Variants in PINLYP observed in about 807,000 individuals in gnomAD.
The protein encoded by PINLYP is phospholipase A2 inhibitor and LY6/PLAUR domain containing.
PINLYP carries 12 observed loss-of-function variants against 15.8 expected under a neutral mutation model. The observed-to-expected ratio is 0.76, with a 90% CI of 0.49 to 1.23. PINLYP has a LOEUF of 1.23. Among genes scored for constraint, PINLYP ranks in the 50% most tolerant of loss-of-function variants. The probability of loss-of-function intolerance (pLI) is 0.00; values close to 1 mark genes in which losing one functional copy is unlikely to be tolerated. For synonymous variants in PINLYP, 93 were observed against 97.7 expected, an observed-to-expected ratio of 0.95 and a Z score of 0.28; for missense variants, 278 against 264.2, an observed-to-expected ratio of 1.05 and a Z score of -0.36.
chr19:43,576,404 G>A (rs1396283119), exon 1 of PINLYP, among the ~76,000 whole-genome samples: 1 of 151,976 alleles, frequency 6.6e-6, no homozygotes, highest in Non-Finnish European at 1.5e-5. Context: ...ATCTCTTTCA[G>A]CCTTATGCCT....
chr19:43,580,065 T>G (rs1381724193), intron 3 of PINLYP, among the ~76,000 whole-genome samples: 1 of 152,102 alleles, frequency 6.6e-6, no homozygotes, highest in African/African-American at 2.4e-5. Context: ...GGAGAGATGA[T>G]GAGGCCTGGT....
At chr19:43,580,433 C>A in intron 3 of PINLYP, 1 of 717,098 alleles carries the variant, frequency 1.4e-6, no homozygotes, top group Non-Finnish European at 1.7e-6. Context: ...TGAGGAGTGA[C>A]CATGGCAGGA....
At chr19:43,581,497 T>C (rs1334172359) in intron 4 of PINLYP, 66 bp from the exon 5 acceptor site, 1 of 1,507,958 alleles carries the variant, frequency 6.6e-7, no homozygotes, top group African/African-American at 1.4e-5. Flanking sequence ...TTTCCCGGGG[T>C]TGTTGGGAGG....
chr19:43,577,022 C>G, intron 1 of PINLYP, 93 bp from the exon 2 acceptor site: 1 of 1,290,522 alleles, frequency 7.7e-7, no homozygotes, highest in Non-Finnish European at 1.0e-6. Flanking sequence ...GCACAAGATG[C>G]CCAGGTCACT....
chr19:43,577,376 C>T (rs1311615255), intron 2 of PINLYP, 115 bp downstream of exon 2: 16 of 1,099,086 alleles, frequency 1.5e-5, no homozygotes, highest in Middle Eastern at 2.2e-4. Context: ...TCAAGGTGAA[C>T]GGGGAGGCAT....
upstream of PINLYP, chr19:43,575,611 CCGGCGT>C: frequency 4.6e-6 from 3 of 653,746 alleles, no homozygotes; most frequent in South Asian, 6.9e-5. Flanking sequence ...CGCGCCGGCG[CCGGCGT>C]CGACACTGCG....
chr19:43,580,784 A>G (rs913128750), intron 3 of PINLYP: 4 of 784,012 alleles, frequency 5.1e-6, no homozygotes, highest in Non-Finnish European at 4.7e-6. Context: ...ATTTGGCCGC[A>G]TGGCTCTAGG....
upstream of PINLYP, chr19:43,575,593 A>C: frequency 1.1e-6 from 1 of 896,962 alleles, no homozygotes; most frequent in Non-Finnish European, 1.6e-6. Flanking sequence ...GGGCCTTTCA[A>C]ACCCCGGCGC....
exon 1 of PINLYP, chr19:43,575,817 C>A (rs534881744): frequency 2.6e-5 from 6 of 229,168 alleles, no homozygotes; most frequent in Admixed American, 5.7e-5. Flanking sequence ...GGAAGAAATT[C>A]GCCTTTCTCA....
chr19:43,575,563 T>G, upstream of PINLYP: 1 of 1,284,862 alleles, frequency 7.8e-7, no homozygotes, highest in Non-Finnish European at 1.1e-6. Context: ...CTGGCTAAAG[T>G]GCGCAAGCGC....
At chr19:43,577,507 C>T (rs922284417) in intron 2 of PINLYP, among the ~76,000 whole-genome samples, 1 of 151,868 alleles carries the variant, frequency 6.6e-6, no homozygotes, top group African/African-American at 2.4e-5. Context: ...GCTCTGAATC[C>T]TCCATCCTCC....
exon 2 of PINLYP, chr19:43,577,136 A>C (rs2682585): frequency 2.0e-6 from 3 of 1,535,598 alleles, no homozygotes; most frequent in African/African-American, 1.4e-5. Context: ...GTCCAGACCC[A>C]CCCCTCCTCA....
intron 4 of PINLYP, 52 bp downstream of exon 4, chr19:43,581,416 C>T: frequency 6.5e-7 from 1 of 1,531,010 alleles, no homozygotes; most frequent in African/African-American, 1.4e-5. Flanking sequence ...CTGACCCTTG[C>T]TGTAGCCACT....
intron 3 of PINLYP, 129 bp downstream of exon 3, chr19:43,578,835 A>G: frequency 1.5e-6 from 1 of 688,352 alleles, no homozygotes; most frequent in Non-Finnish European, 2.6e-6. Flanking sequence ...AGTGGAGAGC[A>G]GGAAAGAGGG....
At chr19:43,578,114 C>A (rs1444511677) in intron 2 of PINLYP, among the ~76,000 whole-genome samples, 2 of 152,054 alleles carry the variant, frequency 1.3e-5, no homozygotes, top group Non-Finnish European at 2.9e-5. Context: ...CCTCTGCCCT[C>A]CTGGTCCTCA....
At chr19:43,580,088 G>A (rs982393917) in intron 3 of PINLYP, among the ~76,000 whole-genome samples, 1 of 152,186 alleles carries the variant, frequency 6.6e-6, no homozygotes, top group African/African-American at 2.4e-5. Context: ...GGGAATAAAG[G>A]CGACTTTGGG....
At chr19:43,579,736 GAA>G (rs545927020) in intron 3 of PINLYP, among the ~76,000 whole-genome samples, 9 of 108,812 alleles carry the variant, frequency 8.3e-5, no homozygotes, top group South Asian at 3.0e-4. Context: ...CATCTCTACA[GAA>G]AAAAAAAAAA....
At chr19:43,580,855 A>AT (rs1169551523) in intron 3 of PINLYP, among the ~76,000 whole-genome samples, 4 of 152,120 alleles carry the variant, frequency 2.6e-5, no homozygotes, top group African/African-American at 9.7e-5. Context: ...TAATCCCAGC[A>AT]CTTTGGGAGG....
At chr19:43,581,804 G>T in intron 5 of PINLYP, 64 bp from the exon 6 acceptor site, 1 of 1,534,870 alleles carries the variant, frequency 6.5e-7, no homozygotes, top group South Asian at 1.2e-5. Flanking sequence ...GTGAGGATGT[G>T]TTCTGGGATT....
Sources: allele counts gnomAD v4.1 joint callset (sites outside exome capture counted in the v4.1 genomes callset), GRCh38; gene constraint gnomAD v4.1.1; transcripts MANE v1.5; gene names NCBI Gene and HGNC (gene_info 2026-07-23, HGNC 2026-07-21).